Variants in ABAT observed in about 807,000 individuals in gnomAD.
The protein encoded by ABAT is 4-aminobutyrate aminotransferase.
A neutral mutation model predicts 64.6 loss-of-function variants in ABAT; 45 were observed. That is an observed-to-expected ratio of 0.70 (90% CI 0.55 to 0.89). The LOEUF (loss-of-function observed/expected upper bound fraction) is 0.89. Ranked by LOEUF, ABAT falls within the 40% of genes least tolerant of loss-of-function variation. ABAT has a pLI of 0.00. For missense variants in ABAT, 633 were observed against 658.4 expected, an observed-to-expected ratio of 0.96 and a Z score of 0.42; for synonymous variants, 297 against 250.5, an observed-to-expected ratio of 1.19 and a Z score of -1.75.
chr16:8,758,772 C>T (rs142120484), intron 6 of ABAT, among the ~76,000 whole-genome samples: 36 of 152,184 alleles, frequency 2.4e-4, no homozygotes, highest in Admixed American at 2.0e-3. Flanking sequence ...TGTCTCTATC[C>T]GAAGAGAGAT....
At chr16:8,768,623 C>T (rs2060014055) in intron 10 of ABAT, among the ~76,000 whole-genome samples, 1 of 152,196 alleles carries the variant, frequency 6.6e-6, no homozygotes, top group Admixed American at 6.5e-5. Flanking sequence ...CAAAACATCT[C>T]ATGTACTCCC....
intron 1 of ABAT, among the ~76,000 whole-genome samples, chr16:8,709,593 C>T (rs1305742626): frequency 6.6e-6 from 1 of 152,112 alleles, no homozygotes; most frequent in Admixed American, 6.6e-5. Flanking sequence ...AAGCTGGTCT[C>T]GAACCCCTGA....
At position 8,772,918 on chromosome 16, in the gene ABAT, G is replaced by A. The variant is rs1321022628; in HGVS notation, c.954+1G>A. 7 of 1,613,568 alleles carry A rather than the reference G, an allele frequency of 4.3e-6. No individual in the cohort carries two copies. Among genetic ancestry groups the A allele is most frequent in the Non-Finnish European group, 5.9e-6 (7 of 1,179,984 alleles). ...GAAGCTGAGAGACATCGCCAGGAAGGTCAGTGGACAGGGCCGAGGTTGGAT... is the reference window on the plus strand; with the variant it reads ...GAAGCTGAGAGACATCGCCAGGAAGATCAGTGGACAGGGCCGAGGTTGGAT... On this transcript the variant is annotated splice_donor_variant, in intron 12 of 15. Coordinates refer to ENST00000268251, the MANE Select transcript of ABAT (RefSeq NM_020686.6). LOFTEE classifies it high-confidence loss of function.
chr16:8,718,465 A>G (rs775744970), intron 1 of ABAT, among the ~76,000 whole-genome samples: 2 of 152,222 alleles, frequency 1.3e-5, no homozygotes, highest in Admixed American at 1.3e-4. Flanking sequence ...TGGGACTCAG[A>G]GGTTGCTTTT....
intron 10 of ABAT, 41 bp downstream of exon 10, chr16:8,768,297 T>C (rs770138381): frequency 1.9e-6 from 3 of 1,598,010 alleles, no homozygotes; most frequent in Middle Eastern, 1.9e-4. Context: ...GCGTTTAGAA[T>C]AGTAATAATA....
rs114892910 is a variant in ABAT, at chr16:8,678,496, G to A, written c.-42+3785G>A. Reference sequence around the variant, plus strand: ...CACAAAGGTTAAAAGACTTGTCTAAGACCATCACCCGCTTCTCCACCAGGC... The same window carrying A: ...CACAAAGGTTAAAAGACTTGTCTAAAACCATCACCCGCTTCTCCACCAGGC... On this transcript the variant is annotated intron_variant, in intron 1 of 15. Transcript: ENST00000268251. Among the ~76,000 whole-genome samples, 1,286 of 152,302 alleles carry A rather than the reference G, an allele frequency of 8.4e-3. 22 individuals are homozygous for A. Among genetic ancestry groups the A allele is most frequent in the African/African-American group, 0.029 (1,210 of 41,562 alleles).
chr16:8,744,079 T>C (rs977251972), intron 2 of ABAT, among the ~76,000 whole-genome samples: 4 of 152,174 alleles, frequency 2.6e-5, no homozygotes, highest in African/African-American at 9.7e-5. Flanking sequence ...TGTAAACTCA[T>C]TACACATTAT....
intron 1 of ABAT, among the ~76,000 whole-genome samples, chr16:8,700,943 T>G (rs142372475): frequency 0.016 from 2,426 of 151,488 alleles, 59 homozygotes; most frequent in African/African-American, 0.055. Context: ...TGTTTTGTTT[T>G]TTCTCTTTGA....
chr16:8,731,424 C>T (rs1411050042), intron 1 of ABAT: 1 of 152,194 alleles, frequency 6.6e-6, no homozygotes, highest in Non-Finnish European at 1.5e-5. Context: ...CTACATATGC[C>T]TTGTTTCTTG....
At chr16:8,742,684 G>T (rs763251594) in intron 2 of ABAT, among the ~76,000 whole-genome samples, 1 of 151,906 alleles carries the variant, frequency 6.6e-6, no homozygotes, top group Non-Finnish European at 1.5e-5. Flanking sequence ...GGGAAACATG[G>T]CAAAACCCCT....
intron 9 of ABAT, among the ~76,000 whole-genome samples, 192 bp from the exon 10 acceptor site, chr16:8,768,001 A>G (rs963339672): frequency 1.3e-5 from 2 of 151,940 alleles, no homozygotes; most frequent in Non-Finnish European, 2.9e-5. Flanking sequence ...AAAAAAAAAA[A>G]AATGTAAGTA....
intron 1 of ABAT, among the ~76,000 whole-genome samples, chr16:8,695,921 G>C (rs1470843118): frequency 6.6e-6 from 1 of 152,120 alleles, no homozygotes; most frequent in Non-Finnish European, 1.5e-5. Flanking sequence ...GACTATGAGG[G>C]ATCTCTGAGC....
chr16:8,696,917 T>TC (rs1288253283), intron 1 of ABAT, among the ~76,000 whole-genome samples: 1 of 152,054 alleles, frequency 6.6e-6, no homozygotes. Flanking sequence ...GCTGCTCCCA[T>TC]CCCCAGAGGC....
intron 2 of ABAT, among the ~76,000 whole-genome samples, chr16:8,737,991 G>GAAAGAAAGAAAGAAAGAAAGAAA (rs55862439): frequency 0.015 from 229 of 14,918 alleles, 49 homozygotes; most frequent in African/African-American, 0.03. Context: ...GAAGGAAGGA[G>GAAAGAAAGAAAGAAAGAAAGAAA]GAAAGAAAGA....
chr16:8,764,668 TCCAG>T lies in ABAT; in HGVS notation c.448-65_448-62del. The T allele has an allele frequency of 6.9e-6, 10 of 1,444,684 alleles. No individual in the cohort carries two copies. The highest frequency in any genetic ancestry group is 9.7e-6 in the Non-Finnish European group (10 of 1,027,068). 89.5% of individuals were successfully genotyped at this position (1,444,684 alleles called of 1,614,324 possible). On this transcript the variant is annotated intron_variant, in intron 7 of 15. Coordinates refer to ENST00000268251, the MANE Select transcript of ABAT (RefSeq NM_020686.6). The surrounding 1 kb of genome is among the most constrained non-coding windows in gnomAD (Gnocchi z 4.2). The stretch of plus-strand genomic sequence containing the variant: ...GGTACGGCCCCTGCGAAGATTCAGC[TCCAG>T]CCAGGGGAAGCGGGAGGACAGGAGT...
chr16:8,749,511 G>A (rs2059421180), intron 4 of ABAT, among the ~76,000 whole-genome samples: 1 of 139,740 alleles, frequency 7.2e-6, no homozygotes, highest in African/African-American at 2.6e-5. Flanking sequence ...TGATTCTCCT[G>A]CCTCAGCGTC....
rs947178732 is a variant in ABAT, at chr16:8,764,958, C to G, written c.540+128C>G. 2.4e-5 allele frequency: 21 copies of G among 865,954 alleles called. No individual in the cohort carries two copies. In the African/African-American group the frequency reaches 3.5e-4, roughly 14 times the overall value. The allele number at this position is 865,954 out of a possible 1,614,324, so 53.6% of individuals were successfully genotyped here. On this transcript the variant is annotated intron_variant, in intron 8 of 15. Coordinates refer to ENST00000268251, the MANE Select transcript of ABAT (RefSeq NM_020686.6). The surrounding 1 kb of genome is among the most constrained non-coding windows in gnomAD (Gnocchi z 4.2). ...AGACATCAGTACCAGGGTTAAAATA[C>G]AGGGAGGGCCACTGCTGGATGGTAC...
Position 8,678,435 on chromosome 16 carries a change from A to G in ABAT, c.-42+3724A>G, listed in dbSNP as rs114571479. On this transcript the variant is annotated intron_variant, in intron 1 of 15. Transcript: ENST00000268251. ...TCCAAAGCACTGTTGTGTCTATGAC[A>G]CTGTTTCTCACTCTACAGATAAGCA... 8.2e-3 allele frequency among the ~76,000 whole-genome samples: 1,245 copies of G among 152,336 alleles called. 17 individuals are homozygous for G. The highest frequency in any genetic ancestry group is 0.029 in the African/African-American group (1,194 of 41,572).
At position 8,764,171 on chromosome 16, in the gene ABAT, C is replaced by T. The variant is rs1226714900; in HGVS notation, c.447+22C>T. 3.7e-6 allele frequency: 6 copies of T among 1,601,164 alleles called. No homozygotes were observed. Among genetic ancestry groups the T allele is most frequent in the South Asian group, 1.1e-5 (1 of 90,822 alleles). On this transcript the variant is annotated intron_variant, in intron 7 of 15. Transcript: ENST00000268251. The surrounding 1 kb of genome is among the most constrained non-coding windows in gnomAD (Gnocchi z 4.2). ...CTCGGTGAGTTCTGGAGAAGCAATCCCATTGTCTTCAGACGTGGTACTGGC... is the reference window on the plus strand; with the variant it reads ...CTCGGTGAGTTCTGGAGAAGCAATCTCATTGTCTTCAGACGTGGTACTGGC...
Sources: allele counts gnomAD v4.1 joint callset (sites outside exome capture counted in the v4.1 genomes callset), GRCh38; gene constraint gnomAD v4.1.1; non-coding constraint Gnocchi (gnomAD v3.1); transcripts MANE v1.5; gene names NCBI Gene and HGNC (gene_info 2026-07-23, HGNC 2026-07-21).